TNPO3: variants seen among roughly 807,000 people sequenced by gnomAD.
TNPO3 encodes transportin 3.
Under a neutral mutation model 122.8 loss-of-function variants are expected in TNPO3, and 65 were observed. The ratio of observed to expected loss-of-function variants is 0.53; its 90% CI spans 0.43 to 0.65. The LOEUF (loss-of-function observed/expected upper bound fraction) is 0.65, where lower values mean the gene tolerates loss of function less well. Among genes scored for constraint, TNPO3 ranks in the 30% least tolerant of loss-of-function variants. TNPO3 has a pLI of 0.00. For missense variants in TNPO3, 850 were observed against 1,136.7 expected, an observed-to-expected ratio of 0.75 and a Z score of 3.63; for synonymous variants, 372 against 411.2, an observed-to-expected ratio of 0.90 and a Z score of 1.15.
intron 18 of TNPO3, among the ~76,000 whole-genome samples, chr7:128,973,727 C>G (rs1360046247): frequency 2.8e-4 from 18 of 65,126 alleles, no homozygotes; most frequent in East Asian, 4.8e-4. Flanking sequence ...CAGAGCGAGA[C>G]TCCGTCTCAA....
chr7:129,025,464 A>G (rs1805030202), intron 1 of TNPO3, among the ~76,000 whole-genome samples: 1 of 151,306 alleles, frequency 6.6e-6, no homozygotes, highest in Non-Finnish European at 1.5e-5. Flanking sequence ...CCATAAAGAA[A>G]CACAAAGGAT....
chr7:128,992,209 T>A (rs769449000), intron 9 of TNPO3, 119 bp from the exon 10 acceptor site: 4 of 534,110 alleles, frequency 7.5e-6, no homozygotes, highest in African/African-American at 2.0e-5. Flanking sequence ...TAATTACCTC[T>A]CAAGCCAGAT....
intron 11 of TNPO3, among the ~76,000 whole-genome samples, chr7:128,987,251 T>C (rs1800260355): frequency 2.0e-5 from 3 of 152,186 alleles, no homozygotes; most frequent in Admixed American, 2.0e-4. Context: ...TATGGCAATG[T>C]AAGAAAGAAT....
In TNPO3 at chr7:128,962,164, G is replaced by C. The variant is rs191771480; in HGVS notation, c.2712-4849C>G. Among the ~76,000 whole-genome samples, 3 of 152,104 alleles carry C rather than the reference G, an allele frequency of 2.0e-5. No individual in the cohort carries two copies. In the East Asian group the frequency reaches 5.8e-4, roughly 29 times the overall value. Reference sequence around the variant, plus strand: ...ATGGATCATGAGGTCAGGAGATCGAGACCATCCTGGCTAACAAGGTGAAAC... The same window carrying C: ...ATGGATCATGAGGTCAGGAGATCGACACCATCCTGGCTAACAAGGTGAAAC... On this transcript the variant is annotated intron_variant, in intron 21 of 22. Transcript: ENST00000265388.
At chr7:128,964,727 T>C (rs531189373) in intron 21 of TNPO3, among the ~76,000 whole-genome samples, 1 of 152,276 alleles carries the variant, frequency 6.6e-6, no homozygotes, top group South Asian at 2.1e-4. Flanking sequence ...AGCATGGTAT[T>C]GACATAAAGA....
chr7:128,972,699 AG>A (rs1798613315), intron 18 of TNPO3, 117 bp from the exon 19 acceptor site: 3 of 853,598 alleles, frequency 3.5e-6, no homozygotes, highest in South Asian at 3.5e-5. Flanking sequence ...GGGGGGTTTC[AG>A]GGAAGAAGGG....
chr7:129,034,733 C>CAAAA (rs571842368), intron 1 of TNPO3, among the ~76,000 whole-genome samples: 1 of 138,824 alleles, frequency 7.2e-6, no homozygotes, highest in Non-Finnish European at 1.6e-5. Context: ...ACTAAAAATA[C>CAAAA]AAAAAAAAAA....
chr7:128,993,880 T>A lies in TNPO3; in HGVS notation c.1193A>T (p.Glu398Val). The change falls in exon 9 of 23, where the codon GAG becomes GTG. Residue 398 changes from glutamate (E) to valine (V), a missense_variant. Transcript: ENST00000265388. The stretch of plus-strand genomic sequence containing the variant: ...CAGGTCTGATACCCTCATGCGAAAC[T>A]CCCCAAAGTCATCAGTCTCCTCAGG... ...GVPEETDDFG[E>V]FRMRVSDLVK... is the part of the protein sequence containing the mutation. 6.2e-7 allele frequency: 1 copy of A among 1,613,988 alleles called. No individual in the cohort carries two copies. The highest frequency in any genetic ancestry group is 8.5e-7 in the Non-Finnish European group (1 of 1,179,990).
At chr7:129,054,527 G>C (rs1809236700) in intron 1 of TNPO3, 124 bp downstream of exon 1, 1 of 1,448,402 alleles carries the variant, frequency 6.9e-7, no homozygotes, top group East Asian at 2.4e-5. Context: ...CCCACCCCAC[G>C]ACAGCAGCTC....
intron 1 of TNPO3, among the ~76,000 whole-genome samples, chr7:129,026,887 G>A (rs183803065): frequency 6.6e-6 from 1 of 152,172 alleles, no homozygotes; most frequent in African/African-American, 2.4e-5. Context: ...CAAATTCTTG[G>A]GCTCAAGTGA....
rs1798608920 is a variant in TNPO3 at position 128,972,640 on chromosome 7, G to C, written c.2274-58C>G. ...CAAGATTAGGCTATAAAAGCAGCCA[G>C]GGTAAAAGGGCAAAACTATGAAGAC... On this transcript the variant is annotated intron_variant, in intron 18 of 22. Transcript: ENST00000265388. 3 of 1,512,664 alleles carry C rather than the reference G, an allele frequency of 2.0e-6. No individual in the cohort carries two copies. In the South Asian group the frequency reaches 3.6e-5, roughly 18 times the overall value. 93.7% of individuals were successfully genotyped at this position (1,512,664 alleles called of 1,614,324 possible).
At chr7:128,980,566 T>C (rs1361024025) in intron 14 of TNPO3, among the ~76,000 whole-genome samples, 1 of 152,186 alleles carries the variant, frequency 6.6e-6, no homozygotes, top group Non-Finnish European at 1.5e-5. Context: ...GGCACATGCC[T>C]ATAATCCCAG....
chr7:129,005,599 C>T (rs1248806000), intron 4 of TNPO3, among the ~76,000 whole-genome samples: 3 of 151,400 alleles, frequency 2.0e-5, no homozygotes, highest in African/African-American at 4.9e-5. Flanking sequence ...TAGCACCACC[C>T]CCCTCCTTCT....
intron 7 of TNPO3, 122 bp downstream of exon 7, chr7:129,000,307 A>G (rs1801795307): frequency 1.8e-6 from 2 of 1,122,112 alleles, no homozygotes; most frequent in Non-Finnish European, 2.5e-6. Flanking sequence ...ATGAAATCAC[A>G]TTAATTAAAA....
intron 20 of TNPO3, among the ~76,000 whole-genome samples, chr7:128,968,119 A>G (rs1040714420): frequency 6.6e-6 from 1 of 152,182 alleles, no homozygotes; most frequent in Non-Finnish European, 1.5e-5. Context: ...AGGTTCAGAT[A>G]CCTGAAAGAG....
chr7:128,960,572 T>TAAAA (rs35592478), intron 21 of TNPO3, among the ~76,000 whole-genome samples: 1 of 141,490 alleles, frequency 7.1e-6, no homozygotes. Flanking sequence ...GTTTAAAAGC[T>TAAAA]AAAAAAAAAA....
intron 10 of TNPO3, 88 bp from the exon 11 acceptor site, chr7:128,990,188 C>T (rs1800605699): frequency 1.4e-6 from 2 of 1,399,346 alleles, no homozygotes; most frequent in African/African-American, 2.8e-5. Context: ...CACAGCATTG[C>T]TAAAGGGCTT....
chr7:129,003,306 T>G (rs1350301903), intron 5 of TNPO3, among the ~76,000 whole-genome samples: 4 of 149,736 alleles, frequency 2.7e-5, no homozygotes, highest in East Asian at 3.9e-4. Flanking sequence ...GGTTTTTTTT[T>G]TTTTTTTTTT....
intron 1 of TNPO3, among the ~76,000 whole-genome samples, chr7:129,048,859 G>C (rs1245418890): frequency 2.0e-5 from 3 of 152,188 alleles, no homozygotes; most frequent in Non-Finnish European, 4.4e-5. Context: ...GAAGTGTCTT[G>C]ATTGTTTATC....
Sources: gnomAD v4.1 joint callset for allele counts (sites outside exome capture counted in the v4.1 genomes callset) on GRCh38, gnomAD v4.1.1 for gene constraint, MANE v1.5 for transcripts, NCBI Gene and HGNC (gene_info 2026-07-23, HGNC 2026-07-21) for gene names.